Variants in STXBP6 observed in about 807,000 individuals in gnomAD.
STXBP6 encodes the protein syntaxin-binding protein 6.
A neutral mutation model predicts 26.9 loss-of-function variants in STXBP6; 21 were observed. The observed-to-expected ratio is 0.78, with a 90% CI of 0.55 to 1.12. The LOEUF is 1.12. Ranked by LOEUF, STXBP6 falls within the 50% of genes most tolerant of loss-of-function variation. The probability of loss-of-function intolerance (pLI) is 0.00; values close to 1 mark genes in which losing one functional copy is unlikely to be tolerated. For missense variants in STXBP6, 232 were observed against 257.9 expected (o/e 0.90, Z 0.69); for synonymous variants, 97 against 92.6 (o/e 1.05, Z -0.27).
chr14:24,860,090 A>G (rs1192937700), intron 2 of STXBP6, among the ~76,000 whole-genome samples: 1 of 152,198 alleles, frequency 6.6e-6, no homozygotes, highest in Non-Finnish European at 1.5e-5. Flanking sequence ...CACTGCCATC[A>G]CTACTCCAGT....
intron 1 of STXBP6, among the ~76,000 whole-genome samples, chr14:25,045,639 T>G (rs1307688514): frequency 1.3e-5 from 2 of 151,094 alleles, no homozygotes; most frequent in Non-Finnish European, 3.0e-5. Context: ...GATTCACTCT[T>G]GTTGCCCAGG....
chr14:24,989,989 A>G (rs931486991), intron 1 of STXBP6, among the ~76,000 whole-genome samples: 2 of 152,230 alleles, frequency 1.3e-5, no homozygotes, highest in African/African-American at 4.8e-5. Flanking sequence ...GAGATCATTG[A>G]GAATTGTGGC....
intron 4 of STXBP6, among the ~76,000 whole-genome samples, chr14:24,823,389 T>C (rs2068196051): frequency 6.6e-6 from 1 of 152,134 alleles, no homozygotes; most frequent in African/African-American, 2.4e-5. Flanking sequence ...GCACATGCAA[T>C]ACACCAATAG....
At chr14:24,966,312 C>G (rs1226206692) in intron 2 of STXBP6, among the ~76,000 whole-genome samples, 1 of 151,776 alleles carries the variant, frequency 6.6e-6, no homozygotes, top group African/African-American at 2.4e-5. Context: ...GAGATTAGCA[C>G]ACTCTGCTCA....
At chr14:25,037,530 G>C (rs921818995) in intron 1 of STXBP6, among the ~76,000 whole-genome samples, 1 of 152,180 alleles carries the variant, frequency 6.6e-6, no homozygotes, top group Non-Finnish European at 1.5e-5. Flanking sequence ...CTTCACTCAA[G>C]AAAGGAAGTT....
chr14:24,869,462 T>G (rs2069847827), intron 2 of STXBP6, among the ~76,000 whole-genome samples: 1 of 152,190 alleles, frequency 6.6e-6, no homozygotes, highest in African/African-American at 2.4e-5. Flanking sequence ...TGTTAAATGA[T>G]TTCTTCCTAA....
chr14:24,929,609 T>G (rs2072308000), intron 2 of STXBP6, among the ~76,000 whole-genome samples: 1 of 152,240 alleles, frequency 6.6e-6, no homozygotes. Context: ...CTATTTAGAC[T>G]TCCAGCACTA....
intron 4 of STXBP6, among the ~76,000 whole-genome samples, chr14:24,848,693 A>G (rs2069045683): frequency 6.6e-6 from 1 of 152,156 alleles, no homozygotes; most frequent in African/African-American, 2.4e-5. Context: ...CAGTGAAAAA[A>G]AAATTGCATC....
intron 2 of STXBP6, among the ~76,000 whole-genome samples, chr14:24,880,476 G>A (rs539029439): frequency 9.9e-5 from 15 of 152,136 alleles, no homozygotes. Context: ...AAGATCCTCT[G>A]AAGGATGGGG....
chr14:24,902,630 G>T (rs1441499370), intron 2 of STXBP6, among the ~76,000 whole-genome samples: 1 of 150,624 alleles, frequency 6.6e-6, no homozygotes, highest in African/African-American at 2.4e-5. Context: ...ATGATGTACT[G>T]AGTTACGTAA....
At chr14:24,997,086 G>T (rs547274015) in intron 1 of STXBP6, among the ~76,000 whole-genome samples, 1 of 152,252 alleles carries the variant, frequency 6.6e-6, no homozygotes, top group African/African-American at 2.4e-5. Flanking sequence ...CGTCCAGAGG[G>T]AAAGTGACTT....
chr14:25,015,320 G>A (rs1270945503), intron 1 of STXBP6, among the ~76,000 whole-genome samples: 1 of 152,052 alleles, frequency 6.6e-6, no homozygotes, highest in Non-Finnish European at 1.5e-5. Context: ...AGATATCTGG[G>A]ACCTAATGAA....
intron 4 of STXBP6, among the ~76,000 whole-genome samples, chr14:24,822,077 T>C (rs181040573): frequency 1.2e-3 from 178 of 152,264 alleles, no homozygotes; most frequent in Admixed American, 6.3e-3. Context: ...TCCAGGCCCA[T>C]AGGTTTTCTT....
chr14:24,977,165 C>T (rs2074071262), intron 1 of STXBP6, among the ~76,000 whole-genome samples: 1 of 151,978 alleles, frequency 6.6e-6, no homozygotes, highest in African/African-American at 2.4e-5. Flanking sequence ...CGCCCTGTCT[C>T]ACCCGGTGTT....
At chr14:24,923,451 C>T (rs78344146) in intron 2 of STXBP6, among the ~76,000 whole-genome samples, 4,898 of 152,220 alleles carry the variant, frequency 0.032, 206 homozygotes, top group African/African-American at 0.1. Flanking sequence ...TGTTTCCTTA[C>T]GAACTTGTCA....
intron 5 of STXBP6, among the ~76,000 whole-genome samples, chr14:24,815,461 CTAT>C (rs1446550373): frequency 1.3e-5 from 2 of 148,594 alleles, no homozygotes; most frequent in Non-Finnish European, 3.0e-5. Flanking sequence ...TTTTATAATA[CTAT>C]TATAACATAA....
chr14:24,919,974 A>C (rs2071923052), intron 2 of STXBP6, among the ~76,000 whole-genome samples: 1 of 152,094 alleles, frequency 6.6e-6, no homozygotes, highest in East Asian at 1.9e-4. Context: ...CGAAGAATGT[A>C]AAGTAAGAGG....
intron 1 of STXBP6, among the ~76,000 whole-genome samples, chr14:24,978,099 A>T (rs2074097307): frequency 6.6e-6 from 1 of 152,272 alleles, no homozygotes; most frequent in African/African-American, 2.4e-5. Context: ...ATGGAAAAGA[A>T]TCAGAAAGTA....
chr14:24,866,334 T>C lies in STXBP6; in HGVS notation c.155-9177A>G, dbSNP rs150401478. Reference sequence around the variant, plus strand: ...GATCATGTGAGCCAATTCCTTAAAATAAATCTCTTTTATATATATGTGTGT... The same window carrying C: ...GATCATGTGAGCCAATTCCTTAAAACAAATCTCTTTTATATATATGTGTGT... On this transcript the variant is annotated intron_variant, in intron 2 of 5. Transcript: ENST00000323944. 5.4e-3 allele frequency among the ~76,000 whole-genome samples: 817 copies of C among 152,056 alleles called. 7 individuals are homozygous for C. Among genetic ancestry groups the C allele is most frequent in the African/African-American group, 0.019 (787 of 41,538 alleles).
Sources: allele counts gnomAD v4.1 joint callset (sites outside exome capture counted in the v4.1 genomes callset), GRCh38; gene constraint gnomAD v4.1.1; transcripts MANE v1.5; gene names NCBI Gene and HGNC (gene_info 2026-07-23, HGNC 2026-07-21).